AP3B1: variants seen among roughly 807,000 people sequenced by gnomAD.
AP3B1 encodes adaptor related protein complex 3 subunit beta 1.
Under a neutral mutation model 132.5 loss-of-function variants are expected in AP3B1, and 61 were observed. The observed-to-expected ratio is 0.46, with a 90% confidence interval of 0.37 to 0.57. The LOEUF (loss-of-function observed/expected upper bound fraction) is 0.57, where lower values mean the gene tolerates loss of function less well. Among genes scored for constraint, AP3B1 ranks in the 20% least tolerant of loss-of-function variants. The pLI is 0.00. For synonymous variants in AP3B1, 388 were observed against 438.3 expected (o/e 0.89, Z 1.43); for missense variants, 1,120 against 1,289.4 (o/e 0.87, Z 2.01).
intron 15 of AP3B1, among the ~76,000 whole-genome samples, chr5:78,139,854 CG>C (rs1753070654): frequency 6.6e-6 from 1 of 151,602 alleles, no homozygotes; most frequent in Non-Finnish European, 1.5e-5. Flanking sequence ...GACTGTAGTA[CG>C]GGGGCGGGGC....
chr5:78,044,525 T>C (rs868080711), intron 22 of AP3B1, among the ~76,000 whole-genome samples: 2 of 152,180 alleles, frequency 1.3e-5, no homozygotes, highest in South Asian at 4.1e-4. Flanking sequence ...GGCCTACATA[T>C]AATATCGGGG....
At chr5:78,267,806 G>GA (rs1176265273) in intron 1 of AP3B1, among the ~76,000 whole-genome samples, 1 of 152,202 alleles carries the variant, frequency 6.6e-6, no homozygotes, top group East Asian at 1.9e-4. Context: ...CATTAATTGT[G>GA]AAAAAATTAA....
At chr5:78,070,552 T>A (rs1749492843) in intron 22 of AP3B1, among the ~76,000 whole-genome samples, 1 of 151,616 alleles carries the variant, frequency 6.6e-6, no homozygotes, top group South Asian at 2.1e-4. Context: ...AAGCAAAAAT[T>A]GACAAATGGG....
intron 22 of AP3B1, among the ~76,000 whole-genome samples, chr5:78,080,496 G>A (rs1211290711): frequency 2.2e-5 from 3 of 137,730 alleles, no homozygotes; most frequent in South Asian, 4.6e-4. Context: ...CTTACAATGT[G>A]TCGGTGAACA....
chr5:78,075,205 T>C (rs955203608), intron 22 of AP3B1, among the ~76,000 whole-genome samples: 1 of 152,102 alleles, frequency 6.6e-6, no homozygotes, highest in African/African-American at 2.4e-5. Context: ...GGGGAGGATA[T>C]ATCTAAGATA....
chr5:78,025,236 A>G (rs1404198699), intron 24 of AP3B1, among the ~76,000 whole-genome samples: 1 of 152,176 alleles, frequency 6.6e-6, no homozygotes, highest in Non-Finnish European at 1.5e-5. Flanking sequence ...CTTCTTCCCA[A>G]CACTCCTGAA....
intron 3 of AP3B1, among the ~76,000 whole-genome samples, chr5:78,237,899 G>A (rs575175318): frequency 1.3e-5 from 2 of 152,324 alleles, no homozygotes; most frequent in African/African-American, 2.4e-5. Flanking sequence ...GAAATGCGTC[G>A]TTGGACAATT....
At chr5:78,014,154 C>A (rs1466172520) in intron 26 of AP3B1, among the ~76,000 whole-genome samples, 5 of 151,886 alleles carry the variant, frequency 3.3e-5, no homozygotes, top group Non-Finnish European at 5.9e-5. Flanking sequence ...CAGAGTAAGA[C>A]TGTCTCAACA....
At chr5:78,292,505 C>T (rs2112603360) in intron 1 of AP3B1, among the ~76,000 whole-genome samples, 1 of 152,122 alleles carries the variant, frequency 6.6e-6, no homozygotes, top group East Asian at 1.9e-4. Flanking sequence ...TATTAGAGCC[C>T]CTGAGTTCAA....
chr5:78,116,110 A>C lies in AP3B1; in HGVS notation c.2077+16T>G, dbSNP rs566994376. On this transcript the variant is annotated intron_variant, in intron 18 of 26. Transcript: ENST00000255194. ...TACTATGTAAATAATATATGCCAATAAATTATAAAACCCACCACTGTCACT... is the reference window on the plus strand; with the variant it reads ...TACTATGTAAATAATATATGCCAATCAATTATAAAACCCACCACTGTCACT... 1 of 1,563,654 alleles carries C rather than the reference A, an allele frequency of 6.4e-7. No individual in the cohort carries two copies. The highest frequency in any genetic ancestry group is 1.3e-5 in the African/African-American group (1 of 74,076).
chr5:78,177,143 G>A (rs955455370), intron 9 of AP3B1, among the ~76,000 whole-genome samples, 196 bp downstream of exon 9: 2 of 152,098 alleles, frequency 1.3e-5, no homozygotes, highest in African/African-American at 4.8e-5. Flanking sequence ...AGGTTAAAAA[G>A]TTTCAGTATT....
chr5:78,085,839 AC>A (rs1422428535), intron 22 of AP3B1, among the ~76,000 whole-genome samples: 1 of 152,160 alleles, frequency 6.6e-6, no homozygotes, highest in East Asian at 1.9e-4. Context: ...CTATAATCTT[AC>A]TTTGAAGAAA....
At chr5:78,058,019 C>A (rs1232213050) in intron 22 of AP3B1, among the ~76,000 whole-genome samples, 2 of 152,114 alleles carry the variant, frequency 1.3e-5, no homozygotes, top group Admixed American at 6.5e-5. Flanking sequence ...CATGTTTTTG[C>A]ATGATTTTTG....
chr5:78,123,840 A>G (rs547666991), intron 17 of AP3B1, among the ~76,000 whole-genome samples: 1 of 152,252 alleles, frequency 6.6e-6, no homozygotes, highest in Non-Finnish European at 1.5e-5. Context: ...CAGCCATCCC[A>G]TTACTGGGTA....
At chr5:78,124,315 T>C (rs892606041) in intron 17 of AP3B1, among the ~76,000 whole-genome samples, 1 of 152,168 alleles carries the variant, frequency 6.6e-6, no homozygotes, top group Non-Finnish European at 1.5e-5. Context: ...AACCTGCACA[T>C]TGTGCACATG....
intron 14 of AP3B1, among the ~76,000 whole-genome samples, chr5:78,146,020 C>G (rs951602817): frequency 6.6e-6 from 1 of 152,128 alleles, no homozygotes; most frequent in African/African-American, 2.4e-5. Flanking sequence ...AATGACACTC[C>G]TGGGTTTGAT....
rs552874558 is a variant in AP3B1, at chr5:78,042,674, T to C, written c.2578-3400A>G. 1.3e-4 allele frequency: 23 copies of C among 174,296 alleles called. 1 individual carries two copies. The South Asian group carries it at 3.3e-3, about 25-fold the overall frequency. The allele number at this position is 174,296 out of a possible 1,614,324, so 10.8% of individuals were successfully genotyped here. A position where few individuals can be genotyped will look rare whatever the true frequency, so the allele number is the denominator to read the frequency against. ...GTTAAGATTCTGCTCTGTTGGAGCA[T>C]TTCTCGAGAGATGTTCAGGGGCAGA... On this transcript the variant is annotated intron_variant, in intron 22 of 26. Coordinates refer to ENST00000255194, the MANE Select transcript of AP3B1 (RefSeq NM_003664.5).
intron 18 of AP3B1, 102 bp from the exon 19 acceptor site, chr5:78,114,025 A>G: frequency 7.4e-7 from 1 of 1,343,872 alleles, no homozygotes; most frequent in Non-Finnish European, 1.0e-6. Flanking sequence ...CAGATGTTGA[A>G]TTTTAGTTCA....
intron 9 of AP3B1, 63 bp from the exon 10 acceptor site, chr5:78,175,901 C>G: frequency 8.2e-7 from 1 of 1,212,658 alleles, no homozygotes; most frequent in South Asian, 1.2e-5. Context: ...TGAGTAAGCA[C>G]TACAATAATG....
Sources: gnomAD v4.1 joint callset for allele counts (sites outside exome capture counted in the v4.1 genomes callset) on GRCh38, gnomAD v4.1.1 for gene constraint, MANE v1.5 for transcripts, NCBI Gene and HGNC (gene_info 2026-07-23, HGNC 2026-07-21) for gene names.